BRIP1: variants seen among roughly 807,000 people sequenced by gnomAD.
BRIP1 encodes Fanconi anemia group J protein.
In BRIP1, 88 loss-of-function variants were observed where a neutral mutation model predicts 119.7. The observed-to-expected ratio is 0.74, with a 90% CI of 0.62 to 0.88. The LOEUF (loss-of-function observed/expected upper bound fraction) is 0.88. BRIP1 is among the 40% of genes least tolerant of loss of function. BRIP1 has a pLI of 0.00. For missense variants in BRIP1, 1,259 were observed against 1,455.4 expected, an observed-to-expected ratio of 0.87 and a Z score of 2.20; for synonymous variants, 443 against 496.5, an observed-to-expected ratio of 0.89 and a Z score of 1.43.
rs2078490178 is a variant in BRIP1 at position 61,831,374 on chromosome 17, AC to A, written c.627+15726del. ...AGAAACTCCAAAAATATCAACTAGAACCAATAAGTGATATAACAAGTTGCAG... is the reference window on the plus strand; with the variant it reads ...AGAAACTCCAAAAATATCAACTAGAACAATAAGTGATATAACAAGTTGCAG... On this transcript the variant is annotated intron_variant, in intron 6 of 19. Transcript: ENST00000259008. The surrounding 1 kb of genome is among the most constrained non-coding windows in gnomAD (Gnocchi z 4.1). Among the ~76,000 whole-genome samples, 1 of 152,226 alleles carries A rather than the reference AC, an allele frequency of 6.6e-6. No individual in the cohort carries two copies. Among genetic ancestry groups the A allele is most frequent in the Non-Finnish European group, 1.5e-5 (1 of 68,034 alleles).
At chr17:61,818,018 T>A (rs1375255502) in intron 6 of BRIP1, among the ~76,000 whole-genome samples, 4 of 152,106 alleles carry the variant, frequency 2.6e-5, no homozygotes, top group Admixed American at 2.6e-4. Flanking sequence ...CTAAATTTAA[T>A]CTTGAAAATA....
At position 61,740,246 on chromosome 17, in the gene BRIP1, G is replaced by A. The variant is rs1043337008; in HGVS notation, c.2379+2767C>T. On this transcript the variant is annotated intron_variant, in intron 16 of 19. Coordinates refer to ENST00000259008, the MANE Select transcript of BRIP1 (RefSeq NM_032043.3). This position sits in a 1 kb window ranked among gnomAD's most constrained non-coding sequence, Gnocchi z 5.4. ...GCAAGGCAGGACACTGGAAAGAAGCGAGCCAGATGGACAAAAGACCCCAGG... is the reference window on the plus strand; with the variant it reads ...GCAAGGCAGGACACTGGAAAGAAGCAAGCCAGATGGACAAAAGACCCCAGG... 6.6e-6 allele frequency among the ~76,000 whole-genome samples: 1 copy of A among 152,222 alleles called. No homozygotes were observed. The highest frequency in any genetic ancestry group is 1.5e-5 in the Non-Finnish European group (1 of 68,022).
Position 61,762,961 on chromosome 17 carries a change from G to A in BRIP1, c.2097+13440C>T, listed in dbSNP as rs149793348. Among the ~76,000 whole-genome samples, 158 of 152,142 alleles carry A rather than the reference G, an allele frequency of 1.0e-3. 1 individual carries two copies. In the East Asian group the frequency reaches 0.025, roughly 24 times the overall value. ...TAGCATTGTTCATTTGGCTGGAATTGGAGAACATTATGCTAAGTGAAATAA... is the reference window on the plus strand; with the variant it reads ...TAGCATTGTTCATTTGGCTGGAATTAGAGAACATTATGCTAAGTGAAATAA... On this transcript the variant is annotated intron_variant, in intron 14 of 19. Transcript: ENST00000259008. This position sits in a 1 kb window ranked among gnomAD's most constrained non-coding sequence, Gnocchi z 4.3.
In BRIP1 at chr17:61,753,812, C is replaced by G. The variant is rs368974929; in HGVS notation, c.2098-9221G>C. Among the ~76,000 whole-genome samples, 101 of 152,176 alleles carry G rather than the reference C, an allele frequency of 6.6e-4. 3 individuals are homozygous for G. In the South Asian group the frequency reaches 0.021, roughly 31 times the overall value. ...ACAACAACAAAAAACCAGAGAGGGT[C>G]TTGCTGTGTTGCCAAGGCTGGTCTC... On this transcript the variant is annotated intron_variant, in intron 14 of 19. Transcript: ENST00000259008. The surrounding 1 kb of genome is among the most constrained non-coding windows in gnomAD (Gnocchi z 4.6).
Position 61,807,893 on chromosome 17 carries a change from T to C in BRIP1, c.918+574A>G, listed in dbSNP as rs554624234. Among the ~76,000 whole-genome samples the C allele has an allele frequency of 6.6e-6, 1 of 152,234 alleles. No homozygotes were observed. The highest frequency in any genetic ancestry group is 2.1e-4 in the South Asian group (1 of 4,828). On this transcript the variant is annotated intron_variant, in intron 7 of 19. Transcript: ENST00000259008. This position sits in a 1 kb window ranked among gnomAD's most constrained non-coding sequence, Gnocchi z 4.5. The stretch of plus-strand genomic sequence containing the variant: ...ATTCTCTATTTCCACCAAGCCCAAA[T>C]TCATATTATTCTAATTTCCCTGGAA...
In BRIP1 at chr17:61,793,778, A is replaced by C. The variant is rs2077858548; in HGVS notation, c.1341-49T>G. On this transcript the variant is annotated intron_variant, in intron 9 of 19. Transcript: ENST00000259008. This position sits in a 1 kb window ranked among gnomAD's most constrained non-coding sequence, Gnocchi z 5.2. ...GTCAACCAGTATCATCCTTACACAC[A>C]CTATTTCAGCAGAACAAGAGAATCA... is the stretch of plus-strand genomic sequence containing the variant. 1.3e-6 allele frequency: 2 copies of C among 1,571,096 alleles called. No individual in the cohort carries two copies.
rs1253021587 is a variant in BRIP1, at chr17:61,761,703, C to T, written c.2097+14698G>A. Among the ~76,000 whole-genome samples the T allele has an allele frequency of 6.6e-6, 1 of 151,710 alleles. No homozygotes were observed. Among genetic ancestry groups the T allele is most frequent in the Non-Finnish European group, 1.5e-5 (1 of 67,904 alleles). On this transcript the variant is annotated intron_variant, in intron 14 of 19. Transcript: ENST00000259008. This position sits in a 1 kb window ranked among gnomAD's most constrained non-coding sequence, Gnocchi z 6.4. ...AGAGAAAGAAAGAAAGAAATTTAAC[C>T]AAGGTGAAGAAAGGCTTGTACGCTG...
intron 14 of BRIP1, among the ~76,000 whole-genome samples, chr17:61,750,553 G>A (rs1367889330): frequency 6.6e-6 from 1 of 152,026 alleles, no homozygotes. Flanking sequence ...TTTGGATACT[G>A]TCAAGAAAGT....
intron 14 of BRIP1, among the ~76,000 whole-genome samples, chr17:61,771,645 A>G (rs548201587): frequency 5.9e-5 from 9 of 152,258 alleles, no homozygotes; most frequent in Non-Finnish European, 1.5e-5. Flanking sequence ...TATAAAAAAA[A>G]CAGTTTGGTG....
Position 61,849,305 on chromosome 17 carries a change from C to T in BRIP1, c.380-49G>A, listed in dbSNP as rs532160879. The stretch of plus-strand genomic sequence containing the variant: ...ACAGCATAAATAACTTACAGGTAGG[C>T]AATTTTTCTAGAAGAAAACTGGAAC... On this transcript the variant is annotated intron_variant, in intron 4 of 19. Transcript: ENST00000259008. 1.8e-5 allele frequency: 27 copies of T among 1,536,820 alleles called. 2 individuals are homozygous for T. In the East Asian group the frequency reaches 5.9e-4, roughly 33 times the overall value.
rs188645625 is a variant in BRIP1, at chr17:61,805,144, A to G, written c.918+3323T>C. Among the ~76,000 whole-genome samples the G allele has an allele frequency of 1.5e-3, 223 of 152,338 alleles. 1 individual carries two copies. Among genetic ancestry groups the G allele is most frequent in the African/African-American group, 5.2e-3 (218 of 41,570 alleles). On this transcript the variant is annotated intron_variant, in intron 7 of 19. Coordinates refer to ENST00000259008, the MANE Select transcript of BRIP1 (RefSeq NM_032043.3). This position sits in a 1 kb window ranked among gnomAD's most constrained non-coding sequence, Gnocchi z 5.6. ...AGGAGAATCCGTGTTTTCAAAACAT[A>G]CATACATCAATACATACACAAATGT...
chr17:61,808,530 A>C lies in BRIP1; in HGVS notation c.855T>G (p.His285Gln). 6.2e-7 allele frequency: 1 copy of C among 1,613,840 alleles called. No individual in the cohort carries two copies. The part of the protein sequence containing the change: ...ILSSRDHTCV[H>Q]PEVVGNFNRN... ...TGTTGAAGTTACCGACTACCTCAGG[A>C]TGGACACAAGTATGATCCCTGCTGG... Residue 285 changes from histidine (H) to glutamine (Q), a missense_variant, in exon 7 of 20, where the codon CAT becomes CAG. Transcript: ENST00000259008. This position sits in a 1 kb window ranked among gnomAD's most constrained non-coding sequence, Gnocchi z 4.1.
Position 61,679,547 on chromosome 17 carries a change from A to C in BRIP1, c.*3749T>G, listed in dbSNP as rs1301584311. ...TTGAATGTGTCACATAAATTATTTGATAAACAATCTCTACCTTATACATCT... is the reference window on the plus strand; with the variant it reads ...TTGAATGTGTCACATAAATTATTTGCTAAACAATCTCTACCTTATACATCT... On this transcript the variant is annotated 3_prime_UTR_variant, in exon 20 of 20. Transcript: ENST00000259008. The surrounding 1 kb of genome is among the most constrained non-coding windows in gnomAD (Gnocchi z 4.4). Among the ~76,000 whole-genome samples, 1 of 152,196 alleles carries C rather than the reference A, an allele frequency of 6.6e-6. No individual in the cohort carries two copies. The highest frequency in any genetic ancestry group is 1.5e-5 in the Non-Finnish European group (1 of 68,020).
At position 61,859,789 on chromosome 17, in the gene BRIP1, T is replaced by TTC. The variant is rs2078948236; in HGVS notation, c.205+6_205+7insGA. ...AAGTAACCTGAAGATATCAAGCAACTACTTACCACTAAGAGATTGTTGCCA... is the reference window on the plus strand; with the variant it reads ...AAGTAACCTGAAGATATCAAGCAACTTCACTTACCACTAAGAGATTGTTGCCA... On this transcript the variant is annotated splice_region_variant and intron_variant, in intron 3 of 19. Coordinates refer to ENST00000259008, the MANE Select transcript of BRIP1 (RefSeq NM_032043.3). 1 of 1,586,696 alleles carries TTC rather than the reference T, an allele frequency of 6.3e-7. No individual in the cohort carries two copies. Among genetic ancestry groups the TTC allele is most frequent in the Admixed American group, 1.7e-5 (1 of 59,964 alleles).
In BRIP1 at chr17:61,730,702, GTATT is replaced by G. The variant is rs201684296; in HGVS notation, c.2379+12307_2379+12310del. Among the ~76,000 whole-genome samples the G allele has an allele frequency of 1.1e-4, 16 of 152,068 alleles. No homozygotes were observed. Among genetic ancestry groups the G allele is most frequent in the African/African-American group, 3.6e-4 (15 of 41,406 alleles). Reference sequence around the variant, plus strand: ...GCAATATTTTCAGGCATGGCTTTATGTATTTATTTATTTATTTTTTGCTAAGGAA... The same window carrying G: ...GCAATATTTTCAGGCATGGCTTTATGTATTTATTTATTTTTTGCTAAGGAA... On this transcript the variant is annotated intron_variant, in intron 16 of 19. Transcript: ENST00000259008. This position sits in a 1 kb window ranked among gnomAD's most constrained non-coding sequence, Gnocchi z 4.3.
chr17:61,776,012 T>C lies in BRIP1; in HGVS notation c.2097+389A>G, dbSNP rs1194210740. 4.1e-6 allele frequency: 1 copy of C among 242,554 alleles called. No individual in the cohort carries two copies. Among genetic ancestry groups the C allele is most frequent in the Non-Finnish European group, 8.2e-6 (1 of 122,582 alleles). 15.0% of individuals were successfully genotyped at this position (242,554 alleles called of 1,614,324 possible). A position where few individuals can be genotyped will look rare whatever the true frequency, so the allele number is the denominator to read the frequency against. ...AATCCTCCCACCTCAGCCTCGCAGG[T>C]AGCTGGGACTATAGGTGTGTGCCAC... On this transcript the variant is annotated intron_variant, in intron 14 of 19. Transcript: ENST00000259008. The surrounding 1 kb of genome is among the most constrained non-coding windows in gnomAD (Gnocchi z 5.0).
In BRIP1 at chr17:61,709,630, G is replaced by C. The variant is rs1187739119; in HGVS notation, c.2492+6321C>G. ...TATGGTATGGTAGAAAGGTATTTCT[G>C]TTAATGAAACAATTCAAAGAAAAAA... On this transcript the variant is annotated intron_variant, in intron 17 of 19. Transcript: ENST00000259008. The surrounding 1 kb of genome is among the most constrained non-coding windows in gnomAD (Gnocchi z 5.0). Among the ~76,000 whole-genome samples the C allele has an allele frequency of 1.3e-5, 2 of 152,084 alleles. No individual in the cohort carries two copies. The highest frequency in any genetic ancestry group is 2.9e-5 in the Non-Finnish European group (2 of 68,008).
rs2061251735 is a variant in BRIP1, at chr17:61,679,895, TGAG to T, written c.*3398_*3400del. Among the ~76,000 whole-genome samples, 1 of 152,364 alleles carries T rather than the reference TGAG, an allele frequency of 6.6e-6. No homozygotes were observed. The highest frequency in any genetic ancestry group is 2.4e-5 in the African/African-American group (1 of 41,592). On this transcript the variant is annotated 3_prime_UTR_variant, in exon 20 of 20. Transcript: ENST00000259008. The surrounding 1 kb of genome is among the most constrained non-coding windows in gnomAD (Gnocchi z 4.4). ...AATATCATCTTGGTCAGTCATGATC[TGAG>T]GAGAATATACACCTGTTTCAACAGT...
At chr17:61,790,827 T>C (rs2077805246) in intron 10 of BRIP1, among the ~76,000 whole-genome samples, 1 of 151,690 alleles carries the variant, frequency 6.6e-6, no homozygotes, top group African/African-American at 2.4e-5. Context: ...AACAGGGTCT[T>C]TGTTGCCCAG....
Sources: gnomAD v4.1 joint callset for allele counts (sites outside exome capture counted in the v4.1 genomes callset) on GRCh38, gnomAD v4.1.1 for gene constraint, Gnocchi (gnomAD v3.1) non-coding constraint, MANE v1.5 for transcripts, NCBI Gene and HGNC (gene_info 2026-07-23, HGNC 2026-07-21) for gene names.